CFHR5: variants seen among roughly 807,000 people sequenced by gnomAD.
The protein encoded by CFHR5 is complement factor H related 5, also known as complement factor H-related protein 5.
CFHR5 carries 73 observed loss-of-function variants against 62.9 expected under a neutral mutation model. The ratio of observed to expected loss-of-function variants is 1.16; its 90% CI spans 0.96 to 1.41. The LOEUF is 1.41. Among genes scored for constraint, CFHR5 ranks in the 40% most tolerant of loss-of-function variants. The pLI is 0.00. For missense variants in CFHR5, 779 were observed against 679.9 expected (o/e 1.15, Z -1.62); for synonymous variants, 249 against 227.2 (o/e 1.10, Z -0.86).
intron 6 of CFHR5, among the ~76,000 whole-genome samples, chr1:196,996,848 G>GAAGTAGT (rs550020020): frequency 0.015 from 2,332 of 151,950 alleles, 21 homozygotes; most frequent in Non-Finnish European, 0.023. Flanking sequence ...TTCCTCCACA[G>GAAGTAGT]AAGTAGTAAG....
At chr1:196,999,606 A>C (rs2125037114) in intron 7 of CFHR5, among the ~76,000 whole-genome samples, 1 of 149,670 alleles carries the variant, frequency 6.7e-6, no homozygotes, top group Admixed American at 6.7e-5. Flanking sequence ...ACGTAGTAAA[A>C]CCTATGAGAT....
At chr1:196,981,223 A>T (rs1218766664) in intron 1 of CFHR5, among the ~76,000 whole-genome samples, 1 of 152,182 alleles carries the variant, frequency 6.6e-6, no homozygotes, top group Non-Finnish European at 1.5e-5. Context: ...TATTCAGGAA[A>T]TATCTTGAGC....
At chr1:196,976,893 C>G (rs1653408271), upstream of CFHR5, among the ~76,000 whole-genome samples, 1 of 149,712 alleles carries the variant, frequency 6.7e-6, no homozygotes, top group Non-Finnish European at 1.5e-5. Flanking sequence ...CAAGCTCTGC[C>G]TCCCGGTTTT....
At chr1:196,995,215 A>G (rs1287340568) in intron 4 of CFHR5, among the ~76,000 whole-genome samples, 1 of 152,184 alleles carries the variant, frequency 6.6e-6, no homozygotes, top group Non-Finnish European at 1.5e-5. Flanking sequence ...TATCCTGATT[A>G]TAATAAACAG....
At chr1:197,006,528 A>G (rs1183121784) in intron 9 of CFHR5, among the ~76,000 whole-genome samples, 1 of 151,912 alleles carries the variant, frequency 6.6e-6, no homozygotes, top group East Asian at 2.0e-4. Flanking sequence ...CCTGACCAAT[A>G]TGGAGAAACC....
At chr1:196,991,990 C>T (rs1311275880) in intron 3 of CFHR5, among the ~76,000 whole-genome samples, 1 of 152,226 alleles carries the variant, frequency 6.6e-6, no homozygotes, top group East Asian at 1.9e-4. Flanking sequence ...GCCCTGCCCC[C>T]AGAGGTGGAG....
Position 196,982,910 on chromosome 1 carries a change from A to G in CFHR5, c.84A>G (p.Ile28Met). 7.4e-6 allele frequency: 12 copies of G among 1,614,090 alleles called. No individual in the cohort carries two copies. The highest frequency in any genetic ancestry group is 1.0e-5 in the Non-Finnish European group (12 of 1,179,992). ...GEGTLCDFPK[I>M]HHGFLYDEED... ...GAACACTTTGTGATTTTCCAAAAAT[A>G]CACCATGGATTTCTGTATGATGAAG... Residue 28 changes from isoleucine (I) to methionine (M), a missense_variant, in exon 2 of 10, where the codon ATA becomes ATG. Ile to Met is a conservative substitution (Grantham distance 10). Coordinates refer to ENST00000256785, the MANE Select transcript of CFHR5 (RefSeq NM_030787.4).
At chr1:197,007,623 TACATATA>T (rs1654322708) in intron 9 of CFHR5, among the ~76,000 whole-genome samples, 1 of 149,534 alleles carries the variant, frequency 6.7e-6, no homozygotes, top group South Asian at 2.1e-4. Context: ...TATTACATAT[TACATATA>T]TTTTTAACAT....
chr1:196,976,844 G>T (rs1243044739), upstream of CFHR5, among the ~76,000 whole-genome samples: 4 of 121,734 alleles, frequency 3.3e-5, no homozygotes, highest in Non-Finnish European at 6.3e-5. Context: ...TCGCTCTGTC[G>T]CCCAGGCTGG....
chr1:197,006,897 C>T (rs139655755), intron 9 of CFHR5, among the ~76,000 whole-genome samples: 6,732 of 150,842 alleles, frequency 0.045, 204 homozygotes, highest in South Asian at 0.13. Flanking sequence ...AGCGCAGTGG[C>T]GTGATCTCGG....
chr1:196,994,054 A>G, intron 3 of CFHR5, 26 bp from the exon 4 acceptor site: 9 of 1,571,536 alleles, frequency 5.7e-6, no homozygotes, highest in Non-Finnish European at 7.9e-6. Flanking sequence ...GAAAATTCAC[A>G]TATGTTCATT....
chr1:196,991,294 T>C (rs1653842287), intron 3 of CFHR5, among the ~76,000 whole-genome samples: 1 of 152,156 alleles, frequency 6.6e-6, no homozygotes, highest in South Asian at 2.1e-4. Flanking sequence ...TTAGCTTCCT[T>C]GCGATGGGTT....
At position 196,984,017 on chromosome 1, in the gene CFHR5, C is replaced by T. The variant is rs757464725; in HGVS notation, c.310C>T (p.His104Tyr). 9 of 1,612,186 alleles carry T rather than the reference C, an allele frequency of 5.6e-6. No homozygotes were observed. In the African/African-American group the frequency reaches 1.1e-4, roughly 19 times the overall value. Reference sequence around the variant, plus strand: ...TCATTCTGAATCTTCAGGACTAATACATCTGGAAGGTGATACTGTACAAAT... The same window carrying T: ...TCATTCTGAATCTTCAGGACTAATATATCTGGAAGGTGATACTGTACAAAT... Reference protein sequence around the residue: ...NGHSESSGLIHLEGDTVQIIC... With the variant: ...NGHSESSGLIYLEGDTVQIIC... The change falls in exon 3 of 10, where the codon CAT (histidine) becomes TAT (tyrosine). Residue 104 changes from histidine (H) to tyrosine (Y), a missense_variant. His to Tyr is a moderately conservative substitution (Grantham distance 83). Coordinates refer to ENST00000256785, the MANE Select transcript of CFHR5 (RefSeq NM_030787.4).
At chr1:196,990,982 G>A (rs574070803) in intron 3 of CFHR5, among the ~76,000 whole-genome samples, 26 of 151,622 alleles carry the variant, frequency 1.7e-4, no homozygotes, top group Admixed American at 1.2e-3. Context: ...TTCCATTATC[G>A]CCCTCACTTT....
intron 6 of CFHR5, 66 bp downstream of exon 6, chr1:196,996,267 T>C (rs915944623): frequency 1.5e-6 from 2 of 1,298,900 alleles, no homozygotes; most frequent in East Asian, 2.3e-5. Context: ...GTATAAAGTG[T>C]ATAAATCTGG....
At chr1:196,999,755 G>GCACACACA (rs1654093806) in intron 7 of CFHR5, among the ~76,000 whole-genome samples, 1 of 97,500 alleles carries the variant, frequency 1.0e-5, no homozygotes. Context: ...ACACACATAT[G>GCACACACA]TATATACACA....
chr1:197,008,833 G>A lies in CFHR5; in HGVS notation c.*150G>A. On this transcript the variant is annotated 3_prime_UTR_variant, in exon 10 of 10. Coordinates refer to ENST00000256785, the MANE Select transcript of CFHR5 (RefSeq NM_030787.4). The stretch of plus-strand genomic sequence containing the variant: ...AGAACTCTGGATTTTTAGAGCTTTA[G>A]AAATTTGTAAGCTGAGAGAACAATG... The A allele has an allele frequency of 1.5e-6, 1 of 687,280 alleles. No homozygotes were observed. The highest frequency in any genetic ancestry group is 2.6e-6 in the Non-Finnish European group (1 of 392,146). The allele number at this position is 687,280 out of a possible 1,614,324, so 42.6% of individuals were successfully genotyped here.
intron 3 of CFHR5, among the ~76,000 whole-genome samples, chr1:196,988,721 A>G (rs571220132): frequency 1.3e-5 from 2 of 152,274 alleles, no homozygotes; most frequent in African/African-American, 4.8e-5. Flanking sequence ...GATGAAGCCA[A>G]CTTGATTGTG....
At chr1:197,004,891 G>A in intron 9 of CFHR5, 48 bp downstream of exon 9, 1 of 1,469,276 alleles carries the variant, frequency 6.8e-7, no homozygotes, top group Non-Finnish European at 9.5e-7. Context: ...TATTTATAGT[G>A]TAATTTTTTT....
Sources: allele counts gnomAD v4.1 joint callset (sites outside exome capture counted in the v4.1 genomes callset), GRCh38; gene constraint gnomAD v4.1.1; transcripts MANE v1.5; gene names NCBI Gene and HGNC (gene_info 2026-07-23, HGNC 2026-07-21).